TUBA1A: variants seen among roughly 807,000 people sequenced by gnomAD.
TUBA1A encodes tubulin alpha 1a.
TUBA1A carries 7 observed loss-of-function variants against 34.6 expected under a neutral mutation model. The observed-to-expected ratio is 0.20, with a 90% CI of 0.11 to 0.38. TUBA1A has a LOEUF of 0.38. TUBA1A is among the 10% of genes least tolerant of loss of function. The pLI is 1.00. For synonymous variants in TUBA1A, 193 were observed against 210.2 expected (o/e 0.92, Z 0.71); for missense variants, 19 against 581.3 (o/e 0.03, Z 9.95).
Position 49,189,004 on chromosome 12 carries a change from C to G in TUBA1A, c.-25G>C, listed in dbSNP as rs1478226657. The stretch of plus-strand genomic sequence containing the variant: ...TGGTTGCTGCTTCGCGACTGCCGAG[C>G]TGATGGCGGAGACGAAGAGGAGAGG... On this transcript the variant is annotated 5_prime_UTR_variant, in exon 1 of 4. Transcript: ENST00000301071. 1.2e-6 allele frequency: 2 copies of G among 1,614,244 alleles called. No individual in the cohort carries two copies. Among genetic ancestry groups the G allele is most frequent in the African/African-American group, 1.3e-5 (1 of 75,074 alleles).
Position 49,186,108 on chromosome 12 carries a change from A to G in TUBA1A, c.376-118T>C. On this transcript the variant is annotated intron_variant, in intron 3 of 3. Transcript: ENST00000301071. The surrounding 1 kb of genome is among the most constrained non-coding windows in gnomAD (Gnocchi z 6.6). ...CAGGACTTAGATCTTATTTTGACAA[A>G]TGCTTTTTAAAAAATTCTCATTAAC... 5 of 1,524,404 alleles carry G rather than the reference A, an allele frequency of 3.3e-6. No homozygotes were observed. The highest frequency in any genetic ancestry group is 4.4e-6 in the Non-Finnish European group (5 of 1,133,394). The allele number at this position is 1,524,404 out of a possible 1,614,324, so 94.4% of individuals were successfully genotyped here.
chr12:49,188,736 C>T lies in TUBA1A; in HGVS notation c.3+241G>A. ...CTCTCGGATAACACAGGCGCCTAGG[C>T]GCCGCCTTTGTTCCTCCCCAGCGCT... On this transcript the variant is annotated intron_variant, in intron 1 of 3. Coordinates refer to ENST00000301071, the MANE Select transcript of TUBA1A (RefSeq NM_006009.4). The surrounding 1 kb of genome is among the most constrained non-coding windows in gnomAD (Gnocchi z 4.9). The T allele has an allele frequency of 6.9e-7, 1 of 1,458,864 alleles. No homozygotes were observed. Among genetic ancestry groups the T allele is most frequent in the Non-Finnish European group, 9.0e-7 (1 of 1,115,136 alleles). The allele number at this position is 1,458,864 out of a possible 1,614,324, so 90.4% of individuals were successfully genotyped here.
chr12:49,187,876 TTTCA>T lies in TUBA1A; in HGVS notation c.4-1047_4-1044del, dbSNP rs1209513452. On this transcript the variant is annotated intron_variant, in intron 1 of 3. Coordinates refer to ENST00000301071, the MANE Select transcript of TUBA1A (RefSeq NM_006009.4). Reference sequence around the variant, plus strand: ...TCTCTGTGGTCTTTAGGGCTACCACTTTCATTGTCTATTCGCTGATGTGGTGGGG... The same window carrying T: ...TCTCTGTGGTCTTTAGGGCTACCACTTTGTCTATTCGCTGATGTGGTGGGG... 4 of 983,492 alleles carry T rather than the reference TTTCA, an allele frequency of 4.1e-6. No homozygotes were observed. The African/African-American group carries it at 7.1e-5, about 17-fold the overall frequency. 60.9% of individuals were successfully genotyped at this position (983,492 alleles called of 1,614,324 possible).
chr12:49,186,046 A>G lies in TUBA1A; in HGVS notation c.376-56T>C. ...TTAAGTTTTTATTCTTTGTAGTACA[A>G]TCATAGTAAATATATTTTCACTTTT... On this transcript the variant is annotated intron_variant, in intron 3 of 3. Transcript: ENST00000301071. The surrounding 1 kb of genome is among the most constrained non-coding windows in gnomAD (Gnocchi z 6.6). 1.9e-6 allele frequency: 3 copies of G among 1,604,316 alleles called. No homozygotes were observed. The highest frequency in any genetic ancestry group is 1.7e-6 in the Non-Finnish European group (2 of 1,175,438).
Position 49,186,182 on chromosome 12 carries a change from C to T in TUBA1A, c.375+128G>A. 5.0e-6 allele frequency: 8 copies of T among 1,585,218 alleles called. No homozygotes were observed. Among genetic ancestry groups the T allele is most frequent in the South Asian group, 2.3e-5 (2 of 88,144 alleles). ...TTCATTTTAACTGAATTTTAAAAAC[C>T]CCAAAAGAATGACTCATTCCACTCT... is the stretch of plus-strand genomic sequence containing the variant. On this transcript the variant is annotated intron_variant, in intron 3 of 3. Coordinates refer to ENST00000301071, the MANE Select transcript of TUBA1A (RefSeq NM_006009.4). This position sits in a 1 kb window ranked among gnomAD's most constrained non-coding sequence, Gnocchi z 6.6.
Position 49,185,829 on chromosome 12 carries a change from T to C in TUBA1A, c.537A>G (p.Thr179=). 1.2e-6 allele frequency: 2 copies of C among 1,613,918 alleles called. No homozygotes were observed. Among genetic ancestry groups the C allele is most frequent in the Middle Eastern group, 3.4e-4 (2 of 5,908 alleles). Residue 179 remains threonine (T), a synonymous_variant, in exon 4 of 4, where the codon ACA becomes ACG. Transcript: ENST00000301071. ...TGGAGTTGTAGGGCTCAACTACAGC[T>C]GTGGAAACCTGGGGCGCCGGGTAAA... The part of the protein sequence containing the change: ...FSIYPAPQVS[T]AVVEPYNSIL...
chr12:49,188,034 A>T lies in TUBA1A; in HGVS notation c.3+943T>A. On this transcript the variant is annotated intron_variant, in intron 1 of 3. Transcript: ENST00000301071. The surrounding 1 kb of genome is among the most constrained non-coding windows in gnomAD (Gnocchi z 4.9). ...CAGACAGACAGACAGACACACACAC[A>T]CACACACACACACTTCAGTCGGTCA... 1 of 961,832 alleles carries T rather than the reference A, an allele frequency of 1.0e-6. No homozygotes were observed. Among genetic ancestry groups the T allele is most frequent in the Non-Finnish European group, 1.2e-6 (1 of 811,082 alleles). 59.6% of individuals were successfully genotyped at this position (961,832 alleles called of 1,614,324 possible). A position where few individuals can be genotyped will look rare whatever the true frequency, so the allele number is the denominator to read the frequency against.
chr12:49,187,993 C>A (rs933824033), intron 1 of TUBA1A: 1 of 983,054 alleles, frequency 1.0e-6, no homozygotes, highest in Non-Finnish European at 1.2e-6. Context: ...CTTTCTCCCT[C>A]GCTGAACGTG....
In TUBA1A at chr12:49,189,012, G is replaced by T; in HGVS notation, c.-33C>A. On this transcript the variant is annotated 5_prime_UTR_variant, in exon 1 of 4. Coordinates refer to ENST00000301071, the MANE Select transcript of TUBA1A (RefSeq NM_006009.4). ...GCTTCGCGACTGCCGAGCTGATGGC[G>T]GAGACGAAGAGGAGAGGTTGTTGCT... 1 of 1,614,112 alleles carries T rather than the reference G, an allele frequency of 6.2e-7. No homozygotes were observed. Among genetic ancestry groups the T allele is most frequent in the Non-Finnish European group, 8.5e-7 (1 of 1,179,950 alleles).
chr12:49,188,550 T>C lies in TUBA1A; in HGVS notation c.3+427A>G. On this transcript the variant is annotated intron_variant, in intron 1 of 3. Transcript: ENST00000301071. The surrounding 1 kb of genome is among the most constrained non-coding windows in gnomAD (Gnocchi z 4.9). The stretch of plus-strand genomic sequence containing the variant: ...CCCCCAGCTCGCCCAACGCCCCCGC[T>C]CTTTTTGGGTGCCTCCTCCTCTCCC... 2 of 1,492,264 alleles carry C rather than the reference T, an allele frequency of 1.3e-6. No individual in the cohort carries two copies. Among genetic ancestry groups the C allele is most frequent in the Non-Finnish European group, 1.8e-6 (2 of 1,121,720 alleles). 92.4% of individuals were successfully genotyped at this position (1,492,264 alleles called of 1,614,324 possible).
Position 49,188,512 on chromosome 12 carries a change from C to T in TUBA1A, c.3+465G>A. ...CCCTAGGCTGCGCTTTGTTCCCGTT[C>T]CCCCTCCCACGTCCCCCAGCTCGCC... is the stretch of plus-strand genomic sequence containing the variant. On this transcript the variant is annotated intron_variant, in intron 1 of 3. Coordinates refer to ENST00000301071, the MANE Select transcript of TUBA1A (RefSeq NM_006009.4). The surrounding 1 kb of genome is among the most constrained non-coding windows in gnomAD (Gnocchi z 4.9). The T allele has an allele frequency of 7.9e-6, 12 of 1,518,238 alleles. No individual in the cohort carries two copies. Among genetic ancestry groups the T allele is most frequent in the Non-Finnish European group, 1.1e-5 (12 of 1,134,642 alleles). 94.0% of individuals were successfully genotyped at this position (1,518,238 alleles called of 1,614,324 possible). A position where few individuals can be genotyped will look rare whatever the true frequency, so the allele number is the denominator to read the frequency against.
chr12:49,187,343 C>A (rs1041126249), intron 1 of TUBA1A: 23 of 1,036,746 alleles, frequency 2.2e-5, no homozygotes, highest in Admixed American at 1.0e-4. Flanking sequence ...ACAAGGTCTG[C>A]CTTCTGCATT....
At position 49,188,015 on chromosome 12, in the gene TUBA1A, G is replaced by GACAC. The variant is rs1189965021; in HGVS notation, c.3+961_3+962insGTGT. 1.0e-6 allele frequency: 1 copy of GACAC among 970,118 alleles called. No individual in the cohort carries two copies. The highest frequency in any genetic ancestry group is 2.1e-5 in the African/African-American group (1 of 46,916). The allele number at this position is 970,118 out of a possible 1,614,324, so 60.1% of individuals were successfully genotyped here. A position where few individuals can be genotyped will look rare whatever the true frequency, so the allele number is the denominator to read the frequency against. Reference sequence around the variant, plus strand: ...CCTCGCTGAACGTGCAGTCCAGACAGACAGACAGACACACACACACACACA... The same window carrying GACAC: ...CCTCGCTGAACGTGCAGTCCAGACAGACACACAGACAGACACACACACACACACA... On this transcript the variant is annotated intron_variant, in intron 1 of 3. Transcript: ENST00000301071. This position sits in a 1 kb window ranked among gnomAD's most constrained non-coding sequence, Gnocchi z 4.9.
Position 49,188,394 on chromosome 12 carries a change from C to G in TUBA1A, c.3+583G>C. On this transcript the variant is annotated intron_variant, in intron 1 of 3. Coordinates refer to ENST00000301071, the MANE Select transcript of TUBA1A (RefSeq NM_006009.4). This position sits in a 1 kb window ranked among gnomAD's most constrained non-coding sequence, Gnocchi z 4.9. ...CCTGCGCCGCCCTGACACCCGCTGCCGGGGGCTCCGGCAGAAACTCACCAT... is the reference window on the plus strand; with the variant it reads ...CCTGCGCCGCCCTGACACCCGCTGCGGGGGGCTCCGGCAGAAACTCACCAT... 1 of 1,535,730 alleles carries G rather than the reference C, an allele frequency of 6.5e-7. No individual in the cohort carries two copies. Among genetic ancestry groups the G allele is most frequent in the Non-Finnish European group, 8.7e-7 (1 of 1,146,726 alleles).
At chr12:49,187,574 T>G in intron 1 of TUBA1A, 1 of 984,688 alleles carries the variant, frequency 1.0e-6, no homozygotes, top group Non-Finnish European at 1.2e-6. Context: ...ATAATTCTTC[T>G]TTGTCTGTAG....
rs1062440 is a variant in TUBA1A, at chr12:49,184,878, G to A, written c.*132C>T. The A allele has an allele frequency of 2.7e-6, 4 of 1,458,316 alleles. No individual in the cohort carries two copies. Among genetic ancestry groups the A allele is most frequent in the Non-Finnish European group, 2.9e-6 (3 of 1,043,782 alleles). 90.3% of individuals were successfully genotyped at this position (1,458,316 alleles called of 1,614,324 possible). A position where few individuals can be genotyped will look rare whatever the true frequency, so the allele number is the denominator to read the frequency against. On this transcript the variant is annotated 3_prime_UTR_variant, in exon 4 of 4. Transcript: ENST00000301071. ...TCTGTAACAAAGCATTCATGTTTTA[G>A]AGCATAGGTCAGTAATTGTATATGA... is the stretch of plus-strand genomic sequence containing the variant.
chr12:49,188,351 GA>G lies in TUBA1A; in HGVS notation c.3+625del. On this transcript the variant is annotated intron_variant, in intron 1 of 3. Coordinates refer to ENST00000301071, the MANE Select transcript of TUBA1A (RefSeq NM_006009.4). This position sits in a 1 kb window ranked among gnomAD's most constrained non-coding sequence, Gnocchi z 4.9. The stretch of plus-strand genomic sequence containing the variant: ...AGTGGCTCCAACGCCATAGAAGCCA[GA>G]AACAAACAACCCCGCCCCTGCGCCG... The G allele has an allele frequency of 6.5e-7, 1 of 1,533,428 alleles. No individual in the cohort carries two copies. The allele number at this position is 1,533,428 out of a possible 1,614,324, so 95.0% of individuals were successfully genotyped here.
At position 49,186,181 on chromosome 12, in the gene TUBA1A, C is replaced by T. The variant is rs1933854800; in HGVS notation, c.375+129G>A. On this transcript the variant is annotated intron_variant, in intron 3 of 3. Coordinates refer to ENST00000301071, the MANE Select transcript of TUBA1A (RefSeq NM_006009.4). The surrounding 1 kb of genome is among the most constrained non-coding windows in gnomAD (Gnocchi z 6.6). ...GTTCATTTTAACTGAATTTTAAAAA[C>T]CCCAAAAGAATGACTCATTCCACTC... is the stretch of plus-strand genomic sequence containing the variant. 2.5e-6 allele frequency: 4 copies of T among 1,585,008 alleles called. No individual in the cohort carries two copies. Among genetic ancestry groups the T allele is most frequent in the African/African-American group, 1.4e-5 (1 of 73,630 alleles).
intron 1 of TUBA1A, chr12:49,187,692 A>G: frequency 1.0e-6 from 1 of 980,884 alleles, no homozygotes; most frequent in South Asian, 4.8e-5. Flanking sequence ...AAAAGTTCCT[A>G]AGTTAGAAAC....
Sources: allele counts gnomAD v4.1 joint callset, GRCh38; gene constraint gnomAD v4.1.1; non-coding constraint Gnocchi (gnomAD v3.1); transcripts MANE v1.5; gene names NCBI Gene and HGNC (gene_info 2026-07-23, HGNC 2026-07-21).